The following TNKS variants were observed in gnomAD, a reference collection of about 807,000 sequenced individuals.
TNKS encodes the protein tankyrase.
In TNKS, 72 loss-of-function variants were observed where a neutral mutation model predicts 135.8. That is an observed-to-expected ratio of 0.53 (90% CI 0.44 to 0.64). TNKS has a LOEUF of 0.64. Among genes scored for constraint, TNKS ranks in the 30% least tolerant of loss-of-function variants. The pLI, the probability that TNKS is intolerant of heterozygous loss-of-function variation, is 0.00. For synonymous variants in TNKS, 849 were observed against 649.3 expected (o/e 1.31, Z -4.68); for missense variants, 1,769 against 1,674.0 (o/e 1.06, Z -0.99).
chr8:9,740,314 C>A (rs77932996), intron 17 of TNKS, among the ~76,000 whole-genome samples: 2,033 of 152,230 alleles, frequency 0.013, 46 homozygotes, highest in African/African-American at 0.046. Context: ...ACCAGGTGTT[C>A]TCACAGTTGG....
intron 2 of TNKS, among the ~76,000 whole-genome samples, chr8:9,592,322 G>A (rs562531324): frequency 6.6e-6 from 1 of 152,086 alleles, no homozygotes; most frequent in Non-Finnish European, 1.5e-5. Flanking sequence ...AGGATCAAAA[G>A]ACTCACAGAT....
At chr8:9,683,747 A>G (rs1429769994) in intron 5 of TNKS, among the ~76,000 whole-genome samples, 1 of 151,868 alleles carries the variant, frequency 6.6e-6, no homozygotes, top group Non-Finnish European at 1.5e-5. Context: ...TCTTAATTCT[A>G]TACTGTGACT....
intron 5 of TNKS, among the ~76,000 whole-genome samples, chr8:9,688,065 C>G (rs549768702): frequency 6.6e-6 from 1 of 152,286 alleles, no homozygotes; most frequent in South Asian, 2.1e-4. Flanking sequence ...TCCCATTTCT[C>G]CAACTGAATG....
At chr8:9,598,794 T>C (rs1194349031) in intron 2 of TNKS, among the ~76,000 whole-genome samples, 2 of 87,516 alleles carry the variant, frequency 2.3e-5, no homozygotes, top group African/African-American at 4.4e-5. Flanking sequence ...TATATATATA[T>C]ATATATATAT....
At chr8:9,764,589 T>C (rs539243946) in intron 22 of TNKS, 127 bp from the exon 23 acceptor site, 584 of 525,730 alleles carry the variant, frequency 1.1e-3, no homozygotes, top group Non-Finnish European at 1.7e-3. Flanking sequence ...AAAATACTTA[T>C]CCACTAAACT....
chr8:9,696,231 T>C (rs759131214), intron 5 of TNKS, among the ~76,000 whole-genome samples: 18 of 152,010 alleles, frequency 1.2e-4, no homozygotes, highest in African/African-American at 1.7e-4. Flanking sequence ...AGTACTCCAA[T>C]GTCAAGAGAA....
chr8:9,656,187 T>C (rs1210852646), intron 3 of TNKS, among the ~76,000 whole-genome samples: 1 of 151,850 alleles, frequency 6.6e-6, no homozygotes, highest in Non-Finnish European at 1.5e-5. Context: ...AAGAGAAGTT[T>C]AGAGAAAAAA....
At chr8:9,592,406 G>A (rs906245760) in intron 2 of TNKS, among the ~76,000 whole-genome samples, 1 of 152,162 alleles carries the variant, frequency 6.6e-6, no homozygotes, top group African/African-American at 2.4e-5. Flanking sequence ...GGTATTAGGA[G>A]ACAGGAAATA....
chr8:9,572,418 T>G (rs1296547931), intron 1 of TNKS, among the ~76,000 whole-genome samples: 1 of 152,204 alleles, frequency 6.6e-6, no homozygotes, highest in Non-Finnish European at 1.5e-5. Context: ...ATCTGAACTT[T>G]TACTTCTTCC....
At chr8:9,595,836 G>A (rs1798766140) in intron 2 of TNKS, among the ~76,000 whole-genome samples, 1 of 152,008 alleles carries the variant, frequency 6.6e-6, no homozygotes, top group African/African-American at 2.4e-5. Flanking sequence ...GGTTAGGTTA[G>A]GTGCAGTGAC....
chr8:9,767,524 C>A (rs1379246580), intron 25 of TNKS, among the ~76,000 whole-genome samples: 1 of 152,126 alleles, frequency 6.6e-6, no homozygotes. Context: ...GCCCCAGTAA[C>A]CTTGAAATTG....
Position 9,623,950 on chromosome 8 carries a change from C to G in TNKS, c.994+8273C>G, listed in dbSNP as rs183615835. ...CCGGGAGGCAGAAGTTGCAGTGAACCGAGATCATGCCACTGTACTCCAGTC... is the reference window on the plus strand; with the variant it reads ...CCGGGAGGCAGAAGTTGCAGTGAACGGAGATCATGCCACTGTACTCCAGTC... On this transcript the variant is annotated intron_variant, in intron 3 of 26. Transcript: ENST00000310430. Among the ~76,000 whole-genome samples the G allele has an allele frequency of 1.1e-4, 16 of 151,942 alleles. No individual in the cohort carries two copies. In the East Asian group the frequency reaches 1.5e-3, roughly 15 times the overall value.
chr8:9,685,752 G>A (rs1328085240), intron 5 of TNKS, among the ~76,000 whole-genome samples: 1 of 152,082 alleles, frequency 6.6e-6, no homozygotes, highest in South Asian at 2.1e-4. Context: ...ACATTCTTGA[G>A]ATATATGCCC....
chr8:9,708,507 T>C lies in TNKS; in HGVS notation c.1578+15T>C. ...AAACAGCACTGGTAAGATTTTATTG[T>C]TAATCTATTCCCTGTGTCTATAATA... On this transcript the variant is annotated intron_variant, in intron 9 of 26. Coordinates refer to ENST00000310430, the MANE Select transcript of TNKS (RefSeq NM_003747.3). 1 of 1,576,798 alleles carries C rather than the reference T, an allele frequency of 6.3e-7. No individual in the cohort carries two copies. Among genetic ancestry groups the C allele is most frequent in the South Asian group, 1.2e-5 (1 of 82,994 alleles).
intron 11 of TNKS, among the ~76,000 whole-genome samples, chr8:9,715,359 C>CAA (rs1804551119): frequency 5.7e-5 from 5 of 87,244 alleles, no homozygotes; most frequent in African/African-American, 2.1e-4. Flanking sequence ...GTACTAGCAG[C>CAA]AGGGGGGGCG....
chr8:9,706,253 G>A lies in TNKS; in HGVS notation c.1269G>A (p.Lys423=). 1 of 1,562,658 alleles carries A rather than the reference G, an allele frequency of 6.4e-7. No homozygotes were observed. Among genetic ancestry groups the A allele is most frequent in the Non-Finnish European group, 8.6e-7 (1 of 1,157,378 alleles). ...ATGAAGTCACAGAACTGCTACTAAA[G>A]GTAAGAGAAATTCAGAATATTGAGC... The part of the protein sequence containing the change: ...GHYEVTELLL[K]HGACVNAMDL... Residue 423 remains lysine (K), a splice_region_variant and synonymous_variant, in exon 7 of 27, where the codon AAG becomes AAA. Coordinates refer to ENST00000310430, the MANE Select transcript of TNKS (RefSeq NM_003747.3).
intron 3 of TNKS, among the ~76,000 whole-genome samples, chr8:9,631,362 C>T (rs965361731): frequency 3.9e-5 from 6 of 152,090 alleles, no homozygotes; most frequent in Non-Finnish European, 5.9e-5. Context: ...TAATCCTGCT[C>T]CATTGAGTTA....
rs796719033 is a variant in TNKS, at chr8:9,770,324, C to T, written c.3897+62C>T. ...AAACATGTCAATAGAGCACAGAGAC[C>T]GTGTAAGACTTGAGACACTTTTCAG... On this transcript the variant is annotated intron_variant, in intron 26 of 26. Transcript: ENST00000310430. The T allele has an allele frequency of 2.9e-5, 43 of 1,506,110 alleles. No individual in the cohort carries two copies. The African/African-American group carries it at 3.3e-4, about 12-fold the overall frequency. 93.3% of individuals were successfully genotyped at this position (1,506,110 alleles called of 1,614,324 possible). A position where few individuals can be genotyped will look rare whatever the true frequency, so the allele number is the denominator to read the frequency against.
chr8:9,615,672 T>G lies in TNKS; in HGVS notation c.989T>G (p.Leu330Arg). Reference sequence around the variant, plus strand: ...GCAGATCCTTCAGCAAAAGCTGTCCTTACAGGTAAGAAGACAGAGAGCTAC... The same window carrying G: ...GCAGATCCTTCAGCAAAAGCTGTCCGTACAGGTAAGAAGACAGAGAGCTAC... ...DLADPSAKAV[L>R]TGEYKKDELL... The change falls in exon 3 of 27, where the codon CTT becomes CGT. Residue 330 changes from leucine (L) to arginine (R), a missense_variant. Physicochemically the swap from Leu to Arg is moderately radical, Grantham distance 102. This residue lies in a region of TNKS where 523 missense variants were observed against 541.0 expected (regional missense o/e 0.97). Coordinates refer to ENST00000310430, the MANE Select transcript of TNKS (RefSeq NM_003747.3). The G allele has an allele frequency of 6.2e-7, 1 of 1,610,878 alleles. No individual in the cohort carries two copies. The highest frequency in any genetic ancestry group is 8.5e-7 in the Non-Finnish European group (1 of 1,178,160).
Sources: gnomAD v4.1 joint callset for allele counts (sites outside exome capture counted in the v4.1 genomes callset) on GRCh38, gnomAD v4.1.1 for gene constraint, gnomAD v4.1.1 regional missense constraint, MANE v1.5 for transcripts, NCBI Gene and HGNC (gene_info 2026-07-23, HGNC 2026-07-21) for gene names.